LRRTM4: variants seen among roughly 807,000 people sequenced by gnomAD.
LRRTM4 encodes the protein leucine-rich repeat transmembrane neuronal protein 4.
LRRTM4 carries 25 observed loss-of-function variants against 47.6 expected under a neutral mutation model. The ratio of observed to expected loss-of-function variants is 0.53; its 90% CI spans 0.38 to 0.73. The LOEUF is 0.73. LRRTM4 is among the 30% of genes least tolerant of loss of function. LRRTM4 has a pLI of 0.00. For synonymous variants in LRRTM4, 311 were observed against 269.5 expected (o/e 1.15, Z -1.51); for missense variants, 638 against 713.4 (o/e 0.89, Z 1.20).
intron 3 of LRRTM4, among the ~76,000 whole-genome samples, chr2:77,357,759 C>T (rs993635990): frequency 6.6e-6 from 1 of 152,010 alleles, no homozygotes; most frequent in African/African-American, 2.4e-5. Flanking sequence ...AAATCTTGTA[C>T]TTTTTAATGA....
intron 3 of LRRTM4, among the ~76,000 whole-genome samples, chr2:76,889,849 G>C (rs1418467875): frequency 6.6e-6 from 1 of 151,774 alleles, no homozygotes; most frequent in African/African-American, 2.4e-5. Flanking sequence ...GAGGGAGAGA[G>C]AGAGGTGAGA....
chr2:77,407,298 T>C (rs922397629), intron 3 of LRRTM4, among the ~76,000 whole-genome samples: 2 of 152,004 alleles, frequency 1.3e-5, no homozygotes, highest in African/African-American at 4.8e-5. Flanking sequence ...AATTTACCTT[T>C]ATATTATTTT....
chr2:77,313,477 C>T (rs1677530900), intron 3 of LRRTM4, among the ~76,000 whole-genome samples: 1 of 151,612 alleles, frequency 6.6e-6, no homozygotes, highest in Non-Finnish European at 1.5e-5. Flanking sequence ...TGATGTACCT[C>T]CCTATGTTTT....
At chr2:77,010,278 A>G (rs982942468) in intron 3 of LRRTM4, among the ~76,000 whole-genome samples, 11 of 151,886 alleles carry the variant, frequency 7.2e-5, no homozygotes, top group African/African-American at 2.4e-4. Flanking sequence ...TTTGATTAAT[A>G]TCCTCCCATT....
intron 3 of LRRTM4, among the ~76,000 whole-genome samples, chr2:77,479,068 A>G (rs1303741073): frequency 6.6e-6 from 1 of 151,616 alleles, no homozygotes; most frequent in African/African-American, 2.4e-5. Flanking sequence ...CTAATTTTTT[A>G]TATTTTTAGT....
chr2:77,370,086 G>A (rs1368173469), intron 3 of LRRTM4, among the ~76,000 whole-genome samples: 1 of 151,630 alleles, frequency 6.6e-6, no homozygotes, highest in Non-Finnish European at 1.5e-5. Context: ...GGGGATTCCT[G>A]GAAAAGTCTG....
At chr2:77,083,255 C>T (rs933976678) in intron 3 of LRRTM4, among the ~76,000 whole-genome samples, 2 of 152,138 alleles carry the variant, frequency 1.3e-5, no homozygotes, top group African/African-American at 4.8e-5. Flanking sequence ...TTCTGATCAG[C>T]TATTCCATGG....
intron 3 of LRRTM4, among the ~76,000 whole-genome samples, chr2:77,131,209 A>T (rs1671794867): frequency 6.6e-6 from 1 of 152,176 alleles, no homozygotes; most frequent in South Asian, 2.1e-4. Context: ...AATGTGTGCT[A>T]AACAAAGCCG....
chr2:77,421,283 C>T (rs1227049145), intron 3 of LRRTM4, among the ~76,000 whole-genome samples: 2 of 152,172 alleles, frequency 1.3e-5, no homozygotes, highest in Non-Finnish European at 2.9e-5. Context: ...TCCTGCTTTT[C>T]ATATACAAAT....
At chr2:77,180,357 C>T (rs1165221471) in intron 3 of LRRTM4, among the ~76,000 whole-genome samples, 1 of 152,020 alleles carries the variant, frequency 6.6e-6, no homozygotes, top group Non-Finnish European at 1.5e-5. Flanking sequence ...TTTCTCTCTC[C>T]CCAGCCTCCC....
At chr2:77,102,512 A>G (rs959476300) in intron 3 of LRRTM4, among the ~76,000 whole-genome samples, 1 of 152,230 alleles carries the variant, frequency 6.6e-6, no homozygotes, top group African/African-American at 2.4e-5. Flanking sequence ...ACTGAGTCAA[A>G]TATGTTTCAA....
intron 3 of LRRTM4, among the ~76,000 whole-genome samples, chr2:77,119,055 T>G (rs1671460345): frequency 6.6e-6 from 1 of 151,822 alleles, no homozygotes; most frequent in Admixed American, 6.6e-5. Context: ...TTATTTTAAT[T>G]TGTGTATATC....
At chr2:76,787,694 C>G (rs535897262) in intron 3 of LRRTM4, among the ~76,000 whole-genome samples, 1 of 151,818 alleles carries the variant, frequency 6.6e-6, no homozygotes, top group Non-Finnish European at 1.5e-5. Context: ...CACACTTATT[C>G]GGGTTGATTC....
intron 3 of LRRTM4, among the ~76,000 whole-genome samples, chr2:76,983,274 C>G (rs1327008028): frequency 6.6e-6 from 1 of 151,750 alleles, no homozygotes; most frequent in Non-Finnish European, 1.5e-5. Context: ...TTTTATAGAC[C>G]CTAAGTCACA....
intron 3 of LRRTM4, among the ~76,000 whole-genome samples, chr2:77,134,421 G>T (rs1319009311): frequency 6.6e-6 from 1 of 152,166 alleles, no homozygotes; most frequent in East Asian, 1.9e-4. Flanking sequence ...TATGAAAATT[G>T]TTTTTATTAA....
chr2:76,798,925 C>CA, intron 3 of LRRTM4, among the ~76,000 whole-genome samples: 1 of 150,590 alleles, frequency 6.6e-6, no homozygotes, highest in African/African-American at 2.5e-5. Context: ...TCTGAATAGA[C>CA]CAATAACAGG....
At chr2:77,400,413 C>T (rs1229739649) in intron 3 of LRRTM4, among the ~76,000 whole-genome samples, 1 of 151,776 alleles carries the variant, frequency 6.6e-6, no homozygotes, top group African/African-American at 2.4e-5. Context: ...CATATATCAG[C>T]TCGTGTAAGT....
intron 3 of LRRTM4, among the ~76,000 whole-genome samples, chr2:76,772,574 A>AT (rs560460182): frequency 4.4e-4 from 67 of 151,938 alleles, no homozygotes; most frequent in African/African-American, 1.5e-3. Context: ...TTGGACAGAT[A>AT]TTTTTTTTGG....
chr2:76,891,370 A>C (rs1224667313), intron 3 of LRRTM4, among the ~76,000 whole-genome samples: 3 of 151,884 alleles, frequency 2.0e-5, no homozygotes, highest in African/African-American at 7.2e-5. Context: ...ATAAAGGACT[A>C]GTCAACATCC....
Sources: gnomAD v4.1 joint callset for allele counts (sites outside exome capture counted in the v4.1 genomes callset) on GRCh38, gnomAD v4.1.1 for gene constraint, MANE v1.5 for transcripts, NCBI Gene and HGNC (gene_info 2026-07-23, HGNC 2026-07-21) for gene names.